Variants in RIT2 observed in about 807,000 individuals in gnomAD.
RIT2 encodes Ras like without CAAX 2.
A neutral mutation model predicts 23.7 loss-of-function variants in RIT2; 24 were observed. The ratio of observed to expected loss-of-function variants is 1.01; its 90% CI spans 0.73 to 1.43. The LOEUF is 1.43. RIT2 is among the 40% of genes most tolerant of loss of function. The pLI, the probability that RIT2 is intolerant of heterozygous loss-of-function variation, is 0.00. For missense variants in RIT2, 236 were observed against 266.9 expected, an observed-to-expected ratio of 0.88 and a Z score of 0.81; for synonymous variants, 107 against 91.1, an observed-to-expected ratio of 1.17 and a Z score of -0.99.
In RIT2 at chr18:42,743,549, T is replaced by C; in HGVS notation, c.598A>G (p.Ser200Gly). Residue 200 changes from serine (S) to glycine (G), a missense_variant, in exon 5 of 5, where the codon AGC (serine) becomes GGC (glycine). Ser to Gly is a moderately conservative substitution (Grantham distance 56). Transcript: ENST00000326695. ...GAACCTTTGAGCTTCTTCCACAGGCTGTCTTTTCTCTTCAGTTTCTTTTCC... is the reference window on the plus strand; with the variant it reads ...GAACCTTTGAGCTTCTTCCACAGGCCGTCTTTTCTCTTCAGTTTCTTTTCC... ...LMEKKLKRKD[S>G]LWKKLKGSLK... The C allele has an allele frequency of 6.2e-7, 1 of 1,614,098 alleles. No homozygotes were observed. Among genetic ancestry groups the C allele is most frequent in the Non-Finnish European group, 8.5e-7 (1 of 1,179,982 alleles).
chr18:43,090,316 A>G (rs1432710796), intron 1 of RIT2, among the ~76,000 whole-genome samples: 1 of 152,176 alleles, frequency 6.6e-6, no homozygotes, highest in Non-Finnish European at 1.5e-5. Flanking sequence ...CAAAATCACA[A>G]TGAGATACCA....
intron 4 of RIT2, among the ~76,000 whole-genome samples, chr18:42,889,978 C>T (rs981586796): frequency 6.6e-6 from 1 of 152,024 alleles, no homozygotes; most frequent in Non-Finnish European, 1.5e-5. Context: ...GATAAAACCC[C>T]TTCCCATCTC....
chr18:42,903,515 A>G (rs1908532302), intron 4 of RIT2, among the ~76,000 whole-genome samples: 1 of 152,118 alleles, frequency 6.6e-6, no homozygotes, highest in Non-Finnish European at 1.5e-5. Flanking sequence ...AACTAAAAAA[A>G]TAAAACTTGA....
chr18:42,913,256 T>C (rs956914082), intron 4 of RIT2, among the ~76,000 whole-genome samples: 10 of 149,586 alleles, frequency 6.7e-5, no homozygotes, highest in Non-Finnish European at 1.2e-4. Flanking sequence ...TTGATATAAA[T>C]GTGAAACAAA....
intron 3 of RIT2, among the ~76,000 whole-genome samples, chr18:42,933,634 C>T (rs1909381050): frequency 6.6e-6 from 1 of 152,234 alleles, no homozygotes; most frequent in Admixed American, 6.5e-5. Context: ...CTCCTTCCTG[C>T]CACCATGTGA....
intron 4 of RIT2, among the ~76,000 whole-genome samples, chr18:42,819,015 G>A (rs1906073229): frequency 6.6e-6 from 1 of 151,968 alleles, no homozygotes; most frequent in East Asian, 1.9e-4. Context: ...GGAGATGACA[G>A]GTCAATGCTA....
At chr18:42,993,187 C>G (rs996910659) in intron 2 of RIT2, among the ~76,000 whole-genome samples, 2 of 152,170 alleles carry the variant, frequency 1.3e-5, no homozygotes, top group Non-Finnish European at 2.9e-5. Context: ...AAGGAATGCC[C>G]ACAGCCCAGG....
At chr18:42,860,266 A>G (rs553045691) in intron 4 of RIT2, among the ~76,000 whole-genome samples, 13 of 152,334 alleles carry the variant, frequency 8.5e-5, no homozygotes, top group Admixed American at 2.0e-4. Context: ...AGTTTTTAAC[A>G]GATACCATGT....
intron 1 of RIT2, among the ~76,000 whole-genome samples, chr18:43,085,467 T>C (rs930436930): frequency 1.3e-5 from 2 of 152,166 alleles, no homozygotes; most frequent in Non-Finnish European, 2.9e-5. Flanking sequence ...AGTCTAACTT[T>C]GTACCCTTTG....
chr18:42,948,716 A>C (rs1598726674), intron 3 of RIT2, among the ~76,000 whole-genome samples: 1 of 152,122 alleles, frequency 6.6e-6, no homozygotes, highest in Non-Finnish European at 1.5e-5. Context: ...CATCTTAATC[A>C]GAGGAAAATC....
chr18:42,855,384 T>C (rs774373680), intron 4 of RIT2, among the ~76,000 whole-genome samples: 5 of 152,180 alleles, frequency 3.3e-5, no homozygotes, highest in African/African-American at 4.8e-5. Flanking sequence ...AAGGGAAGAA[T>C]AGTCATTCAA....
intron 4 of RIT2, among the ~76,000 whole-genome samples, chr18:42,889,718 A>T (rs1216427583): frequency 6.6e-6 from 1 of 152,128 alleles, no homozygotes; most frequent in Non-Finnish European, 1.5e-5. Context: ...GTATACCGCC[A>T]TCAAACATTT....
intron 1 of RIT2, among the ~76,000 whole-genome samples, chr18:43,058,104 G>A (rs899952264): frequency 6.6e-5 from 10 of 152,122 alleles, no homozygotes; most frequent in Non-Finnish European, 1.5e-4. Context: ...TAGTAGTTTA[G>A]CAGCCAAGTA....
chr18:43,072,100 C>T (rs1389922020), intron 1 of RIT2, among the ~76,000 whole-genome samples: 2 of 152,040 alleles, frequency 1.3e-5, no homozygotes, highest in Non-Finnish European at 2.9e-5. Context: ...AATCTCCTGC[C>T]TCAGCCTCCC....
At chr18:42,839,271 T>C (rs1327932380) in intron 4 of RIT2, among the ~76,000 whole-genome samples, 2 of 151,752 alleles carry the variant, frequency 1.3e-5, no homozygotes, top group Non-Finnish European at 2.9e-5. Context: ...TGGGAAGTGA[T>C]AAAAGAAGCA....
At chr18:42,869,292 T>C (rs977371290) in intron 4 of RIT2, among the ~76,000 whole-genome samples, 4 of 152,182 alleles carry the variant, frequency 2.6e-5, no homozygotes, top group Non-Finnish European at 5.9e-5. Flanking sequence ...CGTGCTCCTA[T>C]GAGAATCTAA....
chr18:42,801,352 T>C lies in RIT2; in HGVS notation c.427-57632A>G, dbSNP rs184707766. 1.1e-4 allele frequency among the ~76,000 whole-genome samples: 17 copies of C among 152,308 alleles called. 1 individual carries two copies. Among genetic ancestry groups the C allele is most frequent in the Admixed American group, 3.9e-4 (6 of 15,294 alleles). On this transcript the variant is annotated intron_variant, in intron 4 of 4. Coordinates refer to ENST00000326695, the MANE Select transcript of RIT2 (RefSeq NM_002930.4). ...AGCTGACCACATACATGTATTCTAT[T>C]GGATTAACAAGAGCTCAGTTACGTA...
intron 4 of RIT2, among the ~76,000 whole-genome samples, chr18:42,864,828 C>G (rs1042027000): frequency 2.0e-5 from 3 of 152,176 alleles, no homozygotes; most frequent in Non-Finnish European, 4.4e-5. Flanking sequence ...TTAGGAGGCT[C>G]CATATATCCT....
intron 4 of RIT2, among the ~76,000 whole-genome samples, chr18:42,763,599 T>C (rs1378526052): frequency 1.3e-5 from 2 of 152,170 alleles, no homozygotes; most frequent in Non-Finnish European, 2.9e-5. Flanking sequence ...ATTGTGAATG[T>C]TCTAAACACT....
Sources: gnomAD v4.1 joint callset for allele counts (sites outside exome capture counted in the v4.1 genomes callset) on GRCh38, gnomAD v4.1.1 for gene constraint, MANE v1.5 for transcripts, NCBI Gene and HGNC (gene_info 2026-07-23, HGNC 2026-07-21) for gene names.